Variants in ADGRL2 observed in about 807,000 individuals in gnomAD.
The protein encoded by ADGRL2 is calcium-independent alpha-latrotoxin receptor 2.
ADGRL2 carries 44 observed loss-of-function variants against 157.4 expected under a neutral mutation model. The observed-to-expected ratio is 0.28, with a 90% confidence interval of 0.22 to 0.36. The LOEUF is 0.36. ADGRL2 is among the 10% of genes least tolerant of loss of function. ADGRL2 has a pLI of 1.00. For missense variants in ADGRL2, 1,510 were observed against 1,768.9 expected (o/e 0.85, Z 2.63); for synonymous variants, 585 against 624.7 (o/e 0.94, Z 0.95).
intron 1 of ADGRL2, among the ~76,000 whole-genome samples, chr1:81,357,505 T>A (rs1007897024): frequency 2.6e-5 from 4 of 152,196 alleles, no homozygotes; most frequent in Non-Finnish European, 5.9e-5. Context: ...TATAACTCAA[T>A]GTTTTTTACC....
intron 6 of ADGRL2, among the ~76,000 whole-genome samples, chr1:81,949,202 C>A (rs972538327): frequency 6.6e-6 from 1 of 152,234 alleles, no homozygotes; most frequent in African/African-American, 2.4e-5. Context: ...AATGTTGATA[C>A]AACTTTCGTG....
intron 2 of ADGRL2, among the ~76,000 whole-genome samples, chr1:81,480,405 C>T (rs1327269797): frequency 6.6e-6 from 1 of 152,118 alleles, no homozygotes; most frequent in East Asian, 1.9e-4. Context: ...CCAGATGAAA[C>T]TGAAATATTC....
intron 1 of ADGRL2, among the ~76,000 whole-genome samples, chr1:81,371,410 G>C (rs1255411727): frequency 6.6e-6 from 1 of 152,144 alleles, no homozygotes; most frequent in Non-Finnish European, 1.5e-5. Flanking sequence ...CAATAAAAAA[G>C]ATGAGTTTGT....
chr1:81,352,939 A>AT (rs746446748), intron 1 of ADGRL2, among the ~76,000 whole-genome samples: 38 of 152,134 alleles, frequency 2.5e-4, no homozygotes, highest in Non-Finnish European at 4.4e-4. Context: ...AAACAAAACA[A>AT]TTTTTTTTAA....
intron 2 of ADGRL2, chr1:81,514,563 A>C (rs2079139298): frequency 6.6e-6 from 1 of 152,188 alleles, no homozygotes; most frequent in African/African-American, 2.4e-5. Flanking sequence ...TTTTTTGCGC[A>C]GATTTTCCTT....
rs540220406 is a variant in ADGRL2 at position 81,671,196 on chromosome 1, T to C, written c.-143+90216T>C. Among the ~76,000 whole-genome samples the C allele has an allele frequency of 2.3e-3, 348 of 152,250 alleles. 1 individual carries two copies. The highest frequency in any genetic ancestry group is 7.9e-3 in the African/African-American group (329 of 41,566). ...CTCCCCTGTTCCTCACCCCAGACAG[T>C]CACACTGGTCAGGAGAACTGAGCCA... On this transcript the variant is annotated intron_variant, in intron 3 of 24. Coordinates refer to the ADGRL2 transcript ENST00000370721.
At chr1:81,755,473 A>G (rs1381023929) in intron 1 of ADGRL2, among the ~76,000 whole-genome samples, 7 of 152,068 alleles carry the variant, frequency 4.6e-5, no homozygotes, top group Non-Finnish European at 8.8e-5. Context: ...TAAAGAATGA[A>G]TACAGTTTTT....
intron 1 of ADGRL2, among the ~76,000 whole-genome samples, chr1:81,359,992 A>T (rs1368640755): frequency 6.6e-6 from 1 of 152,040 alleles, no homozygotes; most frequent in Non-Finnish European, 1.5e-5. Flanking sequence ...CTCGCACAGC[A>T]GCCAGGGTGA....
chr1:81,560,237 A>C (rs538287623), intron 2 of ADGRL2, among the ~76,000 whole-genome samples: 7 of 152,356 alleles, frequency 4.6e-5, no homozygotes, highest in African/African-American at 1.7e-4. Flanking sequence ...TATTACAAAC[A>C]GCCAAGAACA....
intron 3 of ADGRL2, among the ~76,000 whole-genome samples, chr1:81,667,290 T>C (rs1005292873): frequency 3.3e-5 from 5 of 152,220 alleles, no homozygotes; most frequent in African/African-American, 1.2e-4. Context: ...ACAATTGTTA[T>C]AATTCACGTT....
chr1:81,380,851 T>C (rs1192597928), intron 1 of ADGRL2, among the ~76,000 whole-genome samples: 1 of 151,664 alleles, frequency 6.6e-6, no homozygotes, highest in African/African-American at 2.4e-5. Context: ...AAATGAATGG[T>C]AGGAAAAAAA....
chr1:81,322,313 G>A (rs1298580374), intron 1 of ADGRL2, among the ~76,000 whole-genome samples: 1 of 151,500 alleles, frequency 6.6e-6, no homozygotes, highest in African/African-American at 2.4e-5. Flanking sequence ...TGTGATCAAA[G>A]TAAATATGGT....
At chr1:81,315,321 A>T (rs950356553) in intron 1 of ADGRL2, among the ~76,000 whole-genome samples, 4 of 151,882 alleles carry the variant, frequency 2.6e-5, no homozygotes, top group African/African-American at 9.7e-5. Context: ...GGGTGACCTG[A>T]TTCTTTGCCA....
intron 2 of ADGRL2, among the ~76,000 whole-genome samples, chr1:81,451,174 T>C (rs2077696942): frequency 6.6e-6 from 1 of 152,206 alleles, no homozygotes; most frequent in Non-Finnish European, 1.5e-5. Flanking sequence ...AAATCTTTAT[T>C]GTACTCAGCT....
At chr1:81,634,071 C>T (rs759396788) in intron 3 of ADGRL2, among the ~76,000 whole-genome samples, 4 of 152,124 alleles carry the variant, frequency 2.6e-5, no homozygotes, top group Admixed American at 6.6e-5. Context: ...AGAAAGAAGA[C>T]TGTGTAAGAG....
intron 1 of ADGRL2, among the ~76,000 whole-genome samples, chr1:81,321,170 C>G (rs1006930568): frequency 1.3e-5 from 2 of 152,132 alleles, no homozygotes; most frequent in Non-Finnish European, 2.9e-5. Context: ...AACTTTTCTT[C>G]TGAAGCTTTA....
intron 2 of ADGRL2, among the ~76,000 whole-genome samples, chr1:81,518,865 G>A (rs2079244168): frequency 6.6e-6 from 1 of 151,902 alleles, no homozygotes; most frequent in Non-Finnish European, 1.5e-5. Flanking sequence ...TATAACAAGA[G>A]CTGAGAACTG....
At chr1:81,394,438 T>C (rs2076617809) in intron 1 of ADGRL2, among the ~76,000 whole-genome samples, 1 of 152,178 alleles carries the variant, frequency 6.6e-6, no homozygotes, top group South Asian at 2.1e-4. Context: ...TTTTGGCTTC[T>C]TCATCTGGGT....
chr1:81,410,456 G>C (rs1404969163), intron 1 of ADGRL2, among the ~76,000 whole-genome samples: 1 of 151,976 alleles, frequency 6.6e-6, no homozygotes. Flanking sequence ...CCACACATCC[G>C]TGATGCAGAT....
Sources: allele counts gnomAD v4.1 joint callset (sites outside exome capture counted in the v4.1 genomes callset), GRCh38; gene constraint gnomAD v4.1.1; transcripts MANE v1.5; gene names NCBI Gene and HGNC (gene_info 2026-07-23, HGNC 2026-07-21).